The following KCNN2 variants were observed in gnomAD, a reference collection of about 807,000 sequenced individuals.
KCNN2 encodes small conductance calcium-activated potassium channel protein 2.
In KCNN2, 24 loss-of-function variants were observed where a neutral mutation model predicts 55.5. That is an observed-to-expected ratio of 0.43 (90% confidence interval 0.31 to 0.61). KCNN2 has a LOEUF of 0.61. KCNN2 is among the 20% of genes least tolerant of loss of function. The probability of loss-of-function intolerance (pLI) is 0.08; values close to 1 mark genes in which losing one functional copy is unlikely to be tolerated. For synonymous variants in KCNN2, 431 were observed against 336.1 expected, an observed-to-expected ratio of 1.28 and a Z score of -3.09; for missense variants, 754 against 853.6, an observed-to-expected ratio of 0.88 and a Z score of 1.45.
intron 3 of KCNN2, among the ~76,000 whole-genome samples, chr5:114,446,164 A>G (rs1472230900): frequency 6.6e-6 from 1 of 152,202 alleles, no homozygotes; most frequent in African/African-American, 2.4e-5. Context: ...TCTTTAAAGT[A>G]TTCGACTTAT....
chr5:114,249,520 C>T lies in KCNN2; in HGVS notation c.-185+27955C>T, dbSNP rs574797687. 1.9e-3 allele frequency among the ~76,000 whole-genome samples: 284 copies of T among 152,036 alleles called. 2 individuals carry two copies. The highest frequency in any genetic ancestry group is 9.2e-3 in the South Asian group (44 of 4,802). On this transcript the variant is annotated intron_variant, in intron 2 of 10. Coordinates refer to the KCNN2 transcript ENST00000512097. ...CAGGCTGATCTCGAATTCCTGACCC[C>T]AAGTGATCTGCCTGCCTCGGCCTCC... is the stretch of plus-strand genomic sequence containing the variant.
chr5:114,252,689 A>AT (rs1561541452), intron 2 of KCNN2, among the ~76,000 whole-genome samples: 2 of 148,580 alleles, frequency 1.3e-5, no homozygotes. Context: ...AACCTCTGCC[A>AT]TTTTCTCTGT....
intron 1 of KCNN2, among the ~76,000 whole-genome samples, chr5:114,162,888 G>C (rs1752820022): frequency 6.6e-6 from 1 of 152,116 alleles, no homozygotes; most frequent in African/African-American, 2.4e-5. Context: ...TGATTTTCCA[G>C]GTGCCGTCTG....
intron 1 of KCNN2, among the ~76,000 whole-genome samples, chr5:114,095,513 G>T (rs1751237398): frequency 6.6e-6 from 1 of 152,050 alleles, no homozygotes; most frequent in African/African-American, 2.4e-5. Flanking sequence ...GCATCACAGT[G>T]GAATTACAAA....
intron 1 of KCNN2, among the ~76,000 whole-genome samples, chr5:114,211,705 A>G (rs1561524627): frequency 6.6e-6 from 1 of 152,118 alleles, no homozygotes; most frequent in Non-Finnish European, 1.5e-5. Context: ...CTGTATCTAA[A>G]AGTTAAAAAG....
chr5:114,220,053 A>G (rs986584677), intron 1 of KCNN2, among the ~76,000 whole-genome samples: 9 of 152,198 alleles, frequency 5.9e-5, no homozygotes, highest in Non-Finnish European at 1.0e-4. Context: ...AGAAAAAAAC[A>G]GGTAGCAGGT....
At chr5:114,122,755 G>A (rs1415015581) in intron 1 of KCNN2, among the ~76,000 whole-genome samples, 2 of 152,188 alleles carry the variant, frequency 1.3e-5, no homozygotes, top group African/African-American at 2.4e-5. Context: ...GAAAACAAAC[G>A]AGGAAGAGGG....
At chr5:114,358,074 G>A (rs1443560444), upstream of KCNN2, among the ~76,000 whole-genome samples, 3 of 150,880 alleles carry the variant, frequency 2.0e-5, no homozygotes, top group East Asian at 2.0e-4. Flanking sequence ...TTTTTCATGT[G>A]TTTTTTGGCT....
intron 1 of KCNN2, among the ~76,000 whole-genome samples, chr5:114,199,694 C>T (rs1338814346): frequency 1.3e-5 from 2 of 151,840 alleles, no homozygotes; most frequent in Non-Finnish European, 2.9e-5. Context: ...CCTGTAGGAC[C>T]AGTTTTCTGG....
intron 3 of KCNN2, among the ~76,000 whole-genome samples, chr5:114,421,128 G>A (rs1376024941): frequency 2.0e-5 from 3 of 151,704 alleles, no homozygotes; most frequent in Non-Finnish European, 4.4e-5. Context: ...GGATATTCTT[G>A]ATTTTAGTAT....
chr5:114,208,867 C>A (rs1360811769), intron 1 of KCNN2, among the ~76,000 whole-genome samples: 1 of 152,188 alleles, frequency 6.6e-6, no homozygotes, highest in African/African-American at 2.4e-5. Flanking sequence ...GACCTCTCAA[C>A]AACATCTTCT....
chr5:114,471,557 T>C (rs1331006083), intron 4 of KCNN2, among the ~76,000 whole-genome samples: 2 of 152,084 alleles, frequency 1.3e-5, no homozygotes, highest in Admixed American at 6.6e-5. Flanking sequence ...TGAGATGAAG[T>C]AAAGAGTAGG....
chr5:114,384,752 T>C (rs1263364972), intron 2 of KCNN2, among the ~76,000 whole-genome samples: 2 of 152,076 alleles, frequency 1.3e-5, no homozygotes, highest in Admixed American at 1.3e-4. Flanking sequence ...GCATACACAG[T>C]CTGAGAGTGA....
At position 114,410,620 on chromosome 5, in the gene KCNN2, T is replaced by C. The variant is rs923362211; in HGVS notation, c.1637+5764T>C. 2.6e-5 allele frequency among the ~76,000 whole-genome samples: 4 copies of C among 152,160 alleles called. No homozygotes were observed. In the South Asian group the frequency reaches 8.3e-4, roughly 32 times the overall value. On this transcript the variant is annotated intron_variant, in intron 3 of 7. Transcript: ENST00000673685. ...TGTTTCTGTGTTCAATGAAATCTTT[T>C]CCTTTTTGACATAGGTTTGTAATGC...
intron 6 of KCNN2, among the ~76,000 whole-genome samples, chr5:114,492,166 G>T (rs980061561): frequency 2.6e-5 from 4 of 152,126 alleles, no homozygotes; most frequent in African/African-American, 7.2e-5. Context: ...CATCTTCACT[G>T]TAGAGCAGAT....
intron 2 of KCNN2, among the ~76,000 whole-genome samples, chr5:114,309,142 AATTAT>A (rs1756347563): frequency 6.6e-6 from 1 of 152,196 alleles, no homozygotes; most frequent in Admixed American, 6.5e-5. Context: ...GACTGTTAGC[AATTAT>A]ATTTATTCAC....
intron 2 of KCNN2, among the ~76,000 whole-genome samples, chr5:114,240,726 G>A (rs975015888): frequency 2.0e-5 from 3 of 151,862 alleles, no homozygotes; most frequent in African/African-American, 4.8e-5. Context: ...CACTGTGCCC[G>A]GCCTCAAATT....
At chr5:114,400,582 C>G (rs757976736) in intron 2 of KCNN2, among the ~76,000 whole-genome samples, 1 of 152,212 alleles carries the variant, frequency 6.6e-6, no homozygotes, top group Non-Finnish European at 1.5e-5. Flanking sequence ...CATGGGTCAA[C>G]AAAGGCCTGC....
intron 2 of KCNN2, among the ~76,000 whole-genome samples, chr5:114,291,673 C>G (rs1755891748): frequency 6.6e-6 from 1 of 152,160 alleles, no homozygotes; most frequent in African/African-American, 2.4e-5. Context: ...GTCTTTATAG[C>G]AGCATGATTT....
Sources: allele counts gnomAD v4.1 joint callset (sites outside exome capture counted in the v4.1 genomes callset), GRCh38; gene constraint gnomAD v4.1.1; transcripts MANE v1.5; gene names NCBI Gene and HGNC (gene_info 2026-07-23, HGNC 2026-07-21).